The following GCNT1 variants were observed in gnomAD, a reference collection of about 807,000 sequenced individuals.
GCNT1 encodes beta-1,3-galactosyl-O-glycosyl-glycoprotein beta-1,6-N-acetylglucosaminyltransferase.
A neutral mutation model predicts 26.2 loss-of-function variants in GCNT1; 16 were observed. That is an observed-to-expected ratio of 0.61 (90% confidence interval 0.41 to 0.93). The LOEUF (loss-of-function observed/expected upper bound fraction) is 0.93, where lower values mean the gene tolerates loss of function less well. Among genes scored for constraint, GCNT1 ranks in the 40% least tolerant of loss-of-function variants. The probability of loss-of-function intolerance (pLI) is 0.00; values close to 1 mark genes in which losing one functional copy is unlikely to be tolerated. For synonymous variants in GCNT1, 183 were observed against 190.8 expected (o/e 0.96, Z 0.34); for missense variants, 477 against 526.7 (o/e 0.91, Z 0.92).
chr9:76,408,085 C>T, the GCNT1 span, among the ~76,000 whole-genome samples: 1 of 152,178 alleles, frequency 6.6e-6, no homozygotes, highest in Non-Finnish European at 1.5e-5. Flanking sequence ...ACAAAGACAG[C>T]TTTACTTCTT....
At chr9:76,413,037 G>A in the GCNT1 span, among the ~76,000 whole-genome samples, 8 of 152,262 alleles carry the variant, frequency 5.3e-5, no homozygotes, top group South Asian at 2.1e-4. Flanking sequence ...GAGTGTACAC[G>A]TCCCAAATAG....
intron 2 of GCNT1, among the ~76,000 whole-genome samples, chr9:76,478,412 A>G (rs1824314014): frequency 6.6e-6 from 1 of 152,174 alleles, no homozygotes; most frequent in Non-Finnish European, 1.5e-5. Context: ...CAGGGAGACC[A>G]CGAACCCACG....
chr9:76,394,226 C>A, the GCNT1 span: 6 of 1,518,614 alleles, frequency 4.0e-6, no homozygotes, highest in South Asian at 2.4e-5. Flanking sequence ...CCTGCGGAGC[C>A]GCCGTCGACG....
intron 2 of GCNT1, among the ~76,000 whole-genome samples, chr9:76,471,205 T>C (rs1214358400): frequency 1.3e-5 from 2 of 152,216 alleles, no homozygotes; most frequent in Non-Finnish European, 2.9e-5. Context: ...TTTGTATTTT[T>C]AGTAGAGACG....
the GCNT1 span, among the ~76,000 whole-genome samples, chr9:76,403,767 A>G: frequency 1.3e-5 from 2 of 152,238 alleles, no homozygotes; most frequent in South Asian, 4.1e-4. Context: ...TCCTTTGAAT[A>G]TATGTTTCAC....
chr9:76,476,608 A>C (rs1158200850), intron 2 of GCNT1, among the ~76,000 whole-genome samples: 1 of 152,120 alleles, frequency 6.6e-6, no homozygotes, highest in Non-Finnish European at 1.5e-5. Context: ...TTTCTGCTCA[A>C]GCCCATCAAA....
At chr9:76,423,430 C>A (rs1238302972) in intron 1 of GCNT1, among the ~76,000 whole-genome samples, 3 of 152,200 alleles carry the variant, frequency 2.0e-5, no homozygotes, top group Admixed American at 1.3e-4. Flanking sequence ...AGCAAAAAGG[C>A]CCTTGCAAGA....
chr9:76,437,955 TG>T (rs1246191349), upstream of GCNT1, among the ~76,000 whole-genome samples: 4 of 152,240 alleles, frequency 2.6e-5, no homozygotes, highest in African/African-American at 9.6e-5. Flanking sequence ...CCTTGGAAAG[TG>T]GTACTTACTT....
At chr9:76,420,634 T>C (rs912192445) in intron 1 of GCNT1, 3 of 152,104 alleles carry the variant, frequency 2.0e-5, no homozygotes, top group African/African-American at 7.2e-5. Context: ...ATTGAGAATA[T>C]GTTTAAGAAT....
At chr9:76,434,992 T>A (rs1205563315) in intron 1 of GCNT1, among the ~76,000 whole-genome samples, 1 of 152,196 alleles carries the variant, frequency 6.6e-6, no homozygotes, top group Non-Finnish European at 1.5e-5. Context: ...CCATGTTTTC[T>A]GTTGTTTAAG....
chr9:76,425,777 G>A (rs191732635), intron 1 of GCNT1, among the ~76,000 whole-genome samples: 35 of 152,244 alleles, frequency 2.3e-4, no homozygotes, highest in Middle Eastern at 3.4e-3. Flanking sequence ...TGTCAGGGCC[G>A]GTGAGTCAAG....
At chr9:76,423,444 T>C (rs1169645318) in intron 1 of GCNT1, among the ~76,000 whole-genome samples, 1 of 152,252 alleles carries the variant, frequency 6.6e-6, no homozygotes, top group Non-Finnish European at 1.5e-5. Flanking sequence ...TGCAAGATGC[T>C]GGCCCCATGA....
chr9:76,407,005 C>A, the GCNT1 span, among the ~76,000 whole-genome samples: 2 of 152,216 alleles, frequency 1.3e-5, no homozygotes, highest in Admixed American at 6.5e-5. Flanking sequence ...TGTGCCATTG[C>A]ACTTCAGCCT....
chr9:76,433,589 C>T lies in GCNT1; in HGVS notation n.38+13702C>T, dbSNP rs917776894. Among the ~76,000 whole-genome samples, 3 of 152,310 alleles carry T rather than the reference C, an allele frequency of 2.0e-5. No homozygotes were observed. In the South Asian group the frequency reaches 6.2e-4, roughly 32 times the overall value. On this transcript the variant is annotated intron_variant and non_coding_transcript_variant, in intron 1 of 3. Transcript: ENST00000488136. ...CTGGACTCACTTGCCCACACACCCC[C>T]TCCTGCCAGGGGCTGAGTGCTGCAG... is the stretch of plus-strand genomic sequence containing the variant.
intron 2 of GCNT1, among the ~76,000 whole-genome samples, chr9:76,500,710 T>C (rs1449712477): frequency 6.6e-6 from 1 of 152,164 alleles, no homozygotes; most frequent in East Asian, 1.9e-4. Flanking sequence ...TTTCAGGGTG[T>C]TTTCAAATCT....
chr9:76,465,477 G>A (rs1823974800), intron 2 of GCNT1, among the ~76,000 whole-genome samples: 1 of 152,146 alleles, frequency 6.6e-6, no homozygotes, highest in Non-Finnish European at 1.5e-5. Context: ...AGTTTAGAGA[G>A]GTAGGTCCTG....
At chr9:76,442,910 C>T (rs1823503763) in intron 1 of GCNT1, among the ~76,000 whole-genome samples, 1 of 151,604 alleles carries the variant, frequency 6.6e-6, no homozygotes, top group African/African-American at 2.4e-5. Flanking sequence ...GGATTTAAAA[C>T]AAAACAAACA....
chr9:76,466,475 C>G (rs60180668), intron 2 of GCNT1, among the ~76,000 whole-genome samples: 1 of 152,102 alleles, frequency 6.6e-6, no homozygotes, highest in East Asian at 1.9e-4. Context: ...TTTTTGTATT[C>G]TTTTTCTAGA....
intron 1 of GCNT1, among the ~76,000 whole-genome samples, chr9:76,426,493 A>C (rs1411343144): frequency 1.3e-5 from 2 of 152,134 alleles, no homozygotes; most frequent in Non-Finnish European, 2.9e-5. Flanking sequence ...ACTTGAGCCC[A>C]AGAGGTCAAG....
Sources: allele counts gnomAD v4.1 joint callset (sites outside exome capture counted in the v4.1 genomes callset), GRCh38; gene constraint gnomAD v4.1.1; transcripts MANE v1.5; gene names NCBI Gene and HGNC (gene_info 2026-07-23, HGNC 2026-07-21).